Variants in HIPK2 observed in about 807,000 individuals in gnomAD.
The protein encoded by HIPK2 is homeodomain interacting protein kinase 2, also known as homeodomain-interacting protein kinase 2.
Under a neutral mutation model 113.7 loss-of-function variants are expected in HIPK2, and 27 were observed. The observed-to-expected ratio is 0.24, with a 90% CI of 0.17 to 0.33. The LOEUF is 0.33. Ranked by LOEUF, HIPK2 falls within the 10% of genes least tolerant of loss-of-function variation. The pLI, the probability that HIPK2 is intolerant of heterozygous loss-of-function variation, is 1.00. For missense variants in HIPK2, 1,257 were observed against 1,588.0 expected (o/e 0.79, Z 3.54); for synonymous variants, 631 against 642.2 (o/e 0.98, Z 0.26).
At chr7:139,729,502 G>A (rs996657412) in intron 1 of HIPK2, among the ~76,000 whole-genome samples, 3 of 152,256 alleles carry the variant, frequency 2.0e-5, no homozygotes, top group Admixed American at 6.5e-5. Flanking sequence ...GGCAGTGGGC[G>A]GCCAAGTTCA....
intron 1 of HIPK2, among the ~76,000 whole-genome samples, chr7:139,766,389 T>C (rs902852433): frequency 6.6e-6 from 1 of 152,372 alleles, no homozygotes; most frequent in Middle Eastern, 3.4e-3. Flanking sequence ...AGGGGACTCA[T>C]GGCTTGGCTG....
At chr7:139,720,023 G>A (rs1416522192) in intron 1 of HIPK2, among the ~76,000 whole-genome samples, 1 of 152,216 alleles carries the variant, frequency 6.6e-6, no homozygotes. Flanking sequence ...ACATTTACAT[G>A]TTGATTCCAA....
intron 2 of HIPK2, among the ~76,000 whole-genome samples, chr7:139,672,361 G>A (rs891355339): frequency 6.6e-6 from 1 of 152,088 alleles, no homozygotes; most frequent in African/African-American, 2.4e-5. Context: ...AAACTACTGG[G>A]TAAGTTCTAA....
chr7:139,596,042 G>A (rs149981120), intron 12 of HIPK2, among the ~76,000 whole-genome samples: 125 of 152,306 alleles, frequency 8.2e-4, no homozygotes, highest in African/African-American at 2.9e-3. Context: ...TGTTCTAGAG[G>A]GGTTGCTCAG....
intron 2 of HIPK2, among the ~76,000 whole-genome samples, chr7:139,680,929 C>T (rs1802677651): frequency 6.6e-6 from 1 of 152,262 alleles, no homozygotes; most frequent in Non-Finnish European, 1.5e-5. Context: ...GTGCTACAAG[C>T]ACCCTCCCCG....
At chr7:139,622,657 C>A (rs1459787797) in intron 6 of HIPK2, among the ~76,000 whole-genome samples, 1 of 152,140 alleles carries the variant, frequency 6.6e-6, no homozygotes, top group Non-Finnish European at 1.5e-5. Flanking sequence ...TGGCTCAGCT[C>A]CCAGGGCAGG....
intron 2 of HIPK2, among the ~76,000 whole-genome samples, chr7:139,640,444 C>T (rs1044644614): frequency 6.6e-6 from 1 of 152,162 alleles, no homozygotes; most frequent in African/African-American, 2.4e-5. Context: ...CCAGTGTTCA[C>T]CGGGTTGAAT....
chr7:139,582,053 G>C (rs1037417179), intron 13 of HIPK2, among the ~76,000 whole-genome samples: 1 of 152,176 alleles, frequency 6.6e-6, no homozygotes, highest in Admixed American at 6.5e-5. Flanking sequence ...AATGACTTCG[G>C]GTGCCTCCCA....
intron 2 of HIPK2, among the ~76,000 whole-genome samples, chr7:139,698,426 C>G (rs943180041): frequency 1.3e-5 from 2 of 152,104 alleles, no homozygotes; most frequent in African/African-American, 4.8e-5. Context: ...CATGCATGTA[C>G]AAGTATTTGT....
chr7:139,758,626 C>T (rs1466211635), intron 1 of HIPK2, among the ~76,000 whole-genome samples: 3 of 152,264 alleles, frequency 2.0e-5, no homozygotes, highest in African/African-American at 7.2e-5. Context: ...CAGATTCTCA[C>T]AGAAGCATGA....
intron 1 of HIPK2, among the ~76,000 whole-genome samples, chr7:139,727,633 C>A (rs184452443): frequency 6.1e-4 from 93 of 152,276 alleles, no homozygotes; most frequent in Admixed American, 6.1e-3. Context: ...TAACTTGGCC[C>A]CAAATAACTC....
chr7:139,771,914 G>A (rs193242221), intron 1 of HIPK2, among the ~76,000 whole-genome samples: 3 of 152,292 alleles, frequency 2.0e-5, no homozygotes, highest in Admixed American at 6.5e-5. Flanking sequence ...GACAGCAGGC[G>A]AGATTTCAGC....
intron 2 of HIPK2, among the ~76,000 whole-genome samples, chr7:139,647,135 TTA>T (rs1163069903): frequency 2.0e-5 from 3 of 149,790 alleles, no homozygotes; most frequent in Non-Finnish European, 3.0e-5. Context: ...TTTTTTTTTT[TTA>T]AATAAGAATC....
At position 139,753,437 on chromosome 7, in the gene HIPK2, G is replaced by A. The variant is rs141436447; in HGVS notation, c.19+24168C>T. Among the ~76,000 whole-genome samples the A allele has an allele frequency of 2.5e-3, 382 of 152,256 alleles. 1 individual carries two copies. The highest frequency in any genetic ancestry group is 8.8e-3 in the African/African-American group (366 of 41,546). Reference sequence around the variant, plus strand: ...CTCTCTAAGGATGAACCACACCATCGCACACATCTGAAGCTGGGAGTGGAC... The same window carrying A: ...CTCTCTAAGGATGAACCACACCATCACACACATCTGAAGCTGGGAGTGGAC... On this transcript the variant is annotated intron_variant, in intron 1 of 14. Transcript: ENST00000406875.
chr7:139,698,493 T>C (rs1794623204), intron 2 of HIPK2, among the ~76,000 whole-genome samples: 1 of 152,214 alleles, frequency 6.6e-6, no homozygotes. Context: ...ATTGCAGCAA[T>C]CATATGGCAA....
chr7:139,773,595 A>G (rs1257943037), intron 1 of HIPK2, among the ~76,000 whole-genome samples: 1 of 152,260 alleles, frequency 6.6e-6, no homozygotes, highest in African/African-American at 2.4e-5. Context: ...TGGTTCCCCA[A>G]GACTGGTCTC....
At chr7:139,669,040 AC>A (rs1418250371) in intron 2 of HIPK2, among the ~76,000 whole-genome samples, 9 of 152,242 alleles carry the variant, frequency 5.9e-5, no homozygotes, top group Admixed American at 5.9e-4. Flanking sequence ...AGCCAATTCC[AC>A]GTTCTTATCC....
intron 7 of HIPK2, among the ~76,000 whole-genome samples, chr7:139,614,916 G>A (rs922932936): frequency 2.6e-5 from 4 of 152,206 alleles, no homozygotes; most frequent in African/African-American, 9.7e-5. Context: ...GGGATTCCTT[G>A]GGTTCTGTGC....
intron 2 of HIPK2, among the ~76,000 whole-genome samples, chr7:139,699,007 G>A (rs1008637126): frequency 1.1e-4 from 16 of 152,246 alleles, no homozygotes; most frequent in Admixed American, 2.0e-4. Flanking sequence ...CTTGAAGGAC[G>A]GGTATAATAA....
Sources: allele counts gnomAD v4.1 joint callset (sites outside exome capture counted in the v4.1 genomes callset), GRCh38; gene constraint gnomAD v4.1.1; transcripts MANE v1.5; gene names NCBI Gene and HGNC (gene_info 2026-07-23, HGNC 2026-07-21).